Variants in SLC13A1 observed in about 807,000 individuals in gnomAD.
SLC13A1 encodes the protein solute carrier family 13 member 1.
Under a neutral mutation model 70.0 loss-of-function variants are expected in SLC13A1, and 65 were observed. The observed-to-expected ratio is 0.93, with a 90% CI of 0.76 to 1.14. SLC13A1 has a LOEUF of 1.14. Ranked by LOEUF, SLC13A1 falls within the 50% of genes most tolerant of loss-of-function variation. The pLI, the probability that SLC13A1 is intolerant of heterozygous loss-of-function variation, is 0.00. For missense variants in SLC13A1, 726 were observed against 717.8 expected (o/e 1.01, Z -0.13); for synonymous variants, 275 against 250.5 (o/e 1.10, Z -0.92).
At chr7:123,132,823 A>T (rs2402633) in intron 8 of SLC13A1, among the ~76,000 whole-genome samples, 92,004 of 151,990 alleles carry the variant, frequency 0.61, 28,039 homozygotes, top group African/African-American at 0.67. Context: ...ACCTTTCTTT[A>T]AGGAGTATTG....
At chr7:123,157,769 T>C (rs1000644921) in intron 6 of SLC13A1, among the ~76,000 whole-genome samples, 1 of 152,124 alleles carries the variant, frequency 6.6e-6, no homozygotes. Context: ...ATTTTAAAGC[T>C]GGATTTAAAA....
At chr7:123,155,596 T>C (rs1410561414) in intron 6 of SLC13A1, among the ~76,000 whole-genome samples, 2 of 152,132 alleles carry the variant, frequency 1.3e-5, no homozygotes, top group Non-Finnish European at 2.9e-5. Context: ...CCAGGAATTT[T>C]TGGTTGTCTG....
At chr7:123,177,052 C>T (rs1310800403) in intron 2 of SLC13A1, among the ~76,000 whole-genome samples, 2 of 152,138 alleles carry the variant, frequency 1.3e-5, no homozygotes, top group African/African-American at 4.8e-5. Context: ...TACTCAACAT[C>T]TTCACTTAGA....
rs1168847307 is a variant in SLC13A1 at position 123,146,272 on chromosome 7, C to A, written c.812+887G>T. Among the ~76,000 whole-genome samples, 3 of 152,140 alleles carry A rather than the reference C, an allele frequency of 2.0e-5. No individual in the cohort carries two copies. The East Asian group carries it at 5.8e-4, about 29-fold the overall frequency. On this transcript the variant is annotated intron_variant, in intron 7 of 14. Transcript: ENST00000194130. ...GGGTGCAGGGGCTCATGCCTATAATCCTAGCACTTTGGGAGGCCAAGGCAG... is the reference window on the plus strand; with the variant it reads ...GGGTGCAGGGGCTCATGCCTATAATACTAGCACTTTGGGAGGCCAAGGCAG...
intron 10 of SLC13A1, among the ~76,000 whole-genome samples, 183 bp from the exon 11 acceptor site, chr7:123,125,858 A>C (rs943112431): frequency 1.3e-5 from 2 of 152,192 alleles, no homozygotes; most frequent in African/African-American, 4.8e-5. Flanking sequence ...CAACACTAAA[A>C]ACAATAATCT....
chr7:123,147,371 A>G, intron 6 of SLC13A1, 61 bp from the exon 7 acceptor site: 1 of 1,560,948 alleles, frequency 6.4e-7, no homozygotes, highest in Non-Finnish European at 8.7e-7. Context: ...TGGACTGAAT[A>G]TTTGTGTCCC....
Position 123,171,841 on chromosome 7 carries a change from A to T in SLC13A1, c.292T>A (p.Ser98Thr). The T allele has an allele frequency of 1.2e-6, 2 of 1,613,628 alleles. No individual in the cohort carries two copies. The highest frequency in any genetic ancestry group is 1.7e-5 in the Admixed American group (1 of 60,024). Reference protein sequence around the residue: ...LLIGVICLATSIEKWNLHKRI... With the variant: ...LLIGVICLATTIEKWNLHKRI... ...TTGTGCAAATTCCATTTTTCTATGG[A>T]TGTTGCTAAACAGATAACTCCAATT... is the stretch of plus-strand genomic sequence containing the variant. The change falls in exon 3 of 15, where the codon TCC becomes ACC. Residue 98 changes from serine (S) to threonine (T), a missense_variant. Physicochemically the swap from Ser to Thr is moderately conservative, Grantham distance 58. Coordinates refer to ENST00000194130, the MANE Select transcript of SLC13A1 (RefSeq NM_022444.4).
rs181471315 is a variant in SLC13A1 at position 123,196,647 on chromosome 7, C to A, written c.99+3201G>T. On this transcript the variant is annotated intron_variant, in intron 1 of 14. Transcript: ENST00000194130. The stretch of plus-strand genomic sequence containing the variant: ...ATGACATCCTTATAGCTTCAGTTCT[C>A]ATAAGCCTATCTTCAGTGGTTAGAA... 2.5e-3 allele frequency among the ~76,000 whole-genome samples: 383 copies of A among 152,210 alleles called. 2 individuals are homozygous for A. Among genetic ancestry groups the A allele is most frequent in the African/African-American group, 8.9e-3 (371 of 41,562 alleles).
chr7:123,141,249 T>C (rs1469589108), intron 7 of SLC13A1, among the ~76,000 whole-genome samples: 1 of 152,196 alleles, frequency 6.6e-6, no homozygotes, highest in African/African-American at 2.4e-5. Flanking sequence ...GATTATTAGC[T>C]TTATTCTATT....
At chr7:123,121,127 C>A (rs1334795482) in intron 12 of SLC13A1, among the ~76,000 whole-genome samples, 3 of 151,950 alleles carry the variant, frequency 2.0e-5, no homozygotes, top group Admixed American at 6.6e-5. Context: ...TCTTTGTGAG[C>A]CAGTGTCTCA....
At chr7:123,162,393 G>A (rs528192112) in intron 6 of SLC13A1, among the ~76,000 whole-genome samples, 11 of 152,158 alleles carry the variant, frequency 7.2e-5, no homozygotes, top group South Asian at 4.2e-4. Flanking sequence ...GTGAGGTCAC[G>A]TTCACAGATT....
At chr7:123,121,915 C>G (rs1185684890) in intron 12 of SLC13A1, among the ~76,000 whole-genome samples, 1 of 152,080 alleles carries the variant, frequency 6.6e-6, no homozygotes, top group Non-Finnish European at 1.5e-5. Flanking sequence ...AAGCTCATGG[C>G]TTCAATCTGG....
chr7:123,130,923 A>C (rs187264275), intron 8 of SLC13A1, among the ~76,000 whole-genome samples: 3 of 152,262 alleles, frequency 2.0e-5, no homozygotes, highest in African/African-American at 7.2e-5. Flanking sequence ...GAAACTGAAC[A>C]GTTTTTGTGA....
intron 7 of SLC13A1, among the ~76,000 whole-genome samples, chr7:123,141,597 C>G (rs530459874): frequency 6.6e-6 from 1 of 152,096 alleles, no homozygotes; most frequent in South Asian, 2.1e-4. Flanking sequence ...CTTTATATAC[C>G]TGGGAGCTCC....
intron 1 of SLC13A1, among the ~76,000 whole-genome samples, chr7:123,185,318 G>C (rs1207148715): frequency 6.6e-6 from 1 of 151,904 alleles, no homozygotes; most frequent in African/African-American, 2.4e-5. Context: ...TGCTTTTGTT[G>C]CTGTGCTTTT....
chr7:123,179,860 A>G (rs1034218317), intron 2 of SLC13A1, among the ~76,000 whole-genome samples: 1 of 152,172 alleles, frequency 6.6e-6, no homozygotes, highest in Non-Finnish European at 1.5e-5. Flanking sequence ...CCCATGGGAC[A>G]AGGGTTAAAA....
At chr7:123,189,809 G>A (rs192275047) in intron 1 of SLC13A1, among the ~76,000 whole-genome samples, 39 of 151,636 alleles carry the variant, frequency 2.6e-4, no homozygotes, top group African/African-American at 8.7e-4. Context: ...TCTCTATTTG[G>A]AAGCTTTAAA....
At chr7:123,134,286 T>C (rs1422265470) in intron 8 of SLC13A1, 124 bp downstream of exon 8, 1 of 780,140 alleles carries the variant, frequency 1.3e-6, no homozygotes, top group Non-Finnish European at 2.0e-6. Context: ...GTATTAATTT[T>C]GTGAGCAACA....
intron 8 of SLC13A1, among the ~76,000 whole-genome samples, chr7:123,133,188 C>G (rs1305459812): frequency 6.6e-6 from 1 of 152,136 alleles, no homozygotes; most frequent in East Asian, 1.9e-4. Context: ...TCTGGACTTG[C>G]AATGATCTCT....
Sources: gnomAD v4.1 joint callset for allele counts (sites outside exome capture counted in the v4.1 genomes callset) on GRCh38, gnomAD v4.1.1 for gene constraint, MANE v1.5 for transcripts, NCBI Gene and HGNC (gene_info 2026-07-23, HGNC 2026-07-21) for gene names.